Variants in LMNTD1 observed in about 807,000 individuals in gnomAD.
LMNTD1 encodes the protein lamin tail domain-containing protein 1.
Under a neutral mutation model 50.9 loss-of-function variants are expected in LMNTD1, and 35 were observed. The observed-to-expected ratio is 0.69, with a 90% CI of 0.53 to 0.91. The LOEUF is 0.91. Among genes scored for constraint, LMNTD1 ranks in the 40% least tolerant of loss-of-function variants. The pLI, the probability that LMNTD1 is intolerant of heterozygous loss-of-function variation, is 0.00. For synonymous variants in LMNTD1, 153 were observed against 161.9 expected (o/e 0.94, Z 0.42); for missense variants, 470 against 475.5 (o/e 0.99, Z 0.11).
intron 9 of LMNTD1, among the ~76,000 whole-genome samples, chr12:25,492,701 A>G (rs2135921364): frequency 6.6e-6 from 1 of 152,322 alleles, no homozygotes; most frequent in East Asian, 1.9e-4. Flanking sequence ...GCAAGATTGA[A>G]AAGGTTGAGG....
In LMNTD1 at chr12:25,648,520, C is replaced by T. The variant is rs370654171; in HGVS notation, c.32G>A (p.Gly11Asp). 4 of 1,551,598 alleles carry T rather than the reference C, an allele frequency of 2.6e-6. No individual in the cohort carries two copies. The African/African-American group carries it at 5.5e-5, about 21-fold the overall frequency. The change falls in exon 1 of 8, where the codon GGT (glycine) becomes GAT (aspartate). Residue 11 changes from glycine to aspartate, a missense_variant. Physicochemically the swap from Gly to Asp is moderately conservative, Grantham distance 94. Transcript: ENST00000445693. Reference sequence around the variant, plus strand: ...GTGGTGGGTCTGGACTCTGGAAACACCGATGTCTCCTGCTCTCACTGGCTG... The same window carrying T: ...GTGGTGGGTCTGGACTCTGGAAACATCGATGTCTCCTGCTCTCACTGGCTG...
rs529791761 is a variant in LMNTD1, at chr12:25,594,454, A to G, written c.59-47900T>C. Among the ~76,000 whole-genome samples, 5 of 152,092 alleles carry G rather than the reference A, an allele frequency of 3.3e-5. No homozygotes were observed. The South Asian group carries it at 8.3e-4, about 25-fold the overall frequency. ...ATTATCAGCCAAGAATTTTGTATCC[A>G]GTGTAAGTAAGGATCTTATATGAAG... On this transcript the variant is annotated intron_variant, in intron 1 of 7. Coordinates refer to the LMNTD1 transcript ENST00000445693.
At chr12:25,521,734 T>C (rs1412280979) in intron 6 of LMNTD1, among the ~76,000 whole-genome samples, 3 of 147,006 alleles carry the variant, frequency 2.0e-5, no homozygotes, top group Non-Finnish European at 4.4e-5. Context: ...TTTAAGACAC[T>C]GTGTGTGTGA....
chr12:25,588,770 T>A (rs2136459453), intron 1 of LMNTD1, among the ~76,000 whole-genome samples: 1 of 152,218 alleles, frequency 6.6e-6, no homozygotes, highest in Non-Finnish European at 1.5e-5. Flanking sequence ...TTTTTGCAAA[T>A]TATTTCACAA....
At position 25,603,905 on chromosome 12, in the gene LMNTD1, A is replaced by C. The variant is rs1023436891; in HGVS notation, c.58+44589T>G. Among the ~76,000 whole-genome samples, 3 of 151,738 alleles carry C rather than the reference A, an allele frequency of 2.0e-5. No individual in the cohort carries two copies. In the Admixed American group the frequency reaches 2.0e-4, roughly 10 times the overall value. ...TAAAAGGGGAAACTGCAAGTCAGGGAAATTGTAGATATAAGAAATACCAGA... is the reference window on the plus strand; with the variant it reads ...TAAAAGGGGAAACTGCAAGTCAGGGCAATTGTAGATATAAGAAATACCAGA... On this transcript the variant is annotated intron_variant, in intron 1 of 7. Transcript: ENST00000445693.
chr12:25,561,889 T>C (rs938029394), intron 1 of LMNTD1, among the ~76,000 whole-genome samples: 2 of 152,210 alleles, frequency 1.3e-5, no homozygotes, highest in African/African-American at 4.8e-5. Context: ...TACCATTATG[T>C]AATGGCCTTC....
At chr12:25,532,199 A>G (rs1314693574) in intron 4 of LMNTD1, among the ~76,000 whole-genome samples, 1 of 152,160 alleles carries the variant, frequency 6.6e-6, no homozygotes, top group East Asian at 1.9e-4. Context: ...CTAGTATTAC[A>G]GAGAAAAAAC....
At chr12:25,597,705 T>C (rs1945872514) in intron 1 of LMNTD1, among the ~76,000 whole-genome samples, 1 of 152,198 alleles carries the variant, frequency 6.6e-6, no homozygotes, top group Non-Finnish European at 1.5e-5. Context: ...CATTATTTTC[T>C]TCAGCACATG....
chr12:25,579,272 C>A (rs959495485), intron 1 of LMNTD1, among the ~76,000 whole-genome samples: 20 of 152,174 alleles, frequency 1.3e-4, no homozygotes, highest in Admixed American at 1.3e-3. Flanking sequence ...CATGTACAGA[C>A]TTTTTTCTTA....
chr12:25,609,177 C>T (rs1273192020), intron 1 of LMNTD1, among the ~76,000 whole-genome samples: 1 of 152,180 alleles, frequency 6.6e-6, no homozygotes, highest in Non-Finnish European at 1.5e-5. Flanking sequence ...TCCATCAGGT[C>T]ATTTAAGTGC....
intron 1 of LMNTD1, among the ~76,000 whole-genome samples, chr12:25,628,904 T>C (rs572035968): frequency 6.6e-6 from 1 of 152,300 alleles, no homozygotes; most frequent in East Asian, 1.9e-4. Context: ...AAGTTTTTGG[T>C]AATTTGTTAA....
rs552251994 is a variant in LMNTD1 at position 25,538,933 on chromosome 12, G to A, written c.491+7441C>T. ...GGCAGGGGTTGCAATCCTAGTCTCT[G>A]ATAAAACAGACTTTAAACCAACAAA... On this transcript the variant is annotated intron_variant, in intron 4 of 9. Coordinates refer to ENST00000458174, the MANE Select transcript of LMNTD1 (RefSeq NM_001145728.2). Among the ~76,000 whole-genome samples, 97 of 145,282 alleles carry A rather than the reference G, an allele frequency of 6.7e-4. 1 individual carries two copies. The East Asian group carries it at 0.015, about 22-fold the overall frequency.
intron 1 of LMNTD1, among the ~76,000 whole-genome samples, chr12:25,580,706 TG>T (rs1045290813): frequency 1.3e-5 from 2 of 152,232 alleles, no homozygotes; most frequent in African/African-American, 2.4e-5. Context: ...ACTATGGATT[TG>T]GTAAGTTCAG....
chr12:25,578,604 T>C (rs1306312140), intron 1 of LMNTD1, among the ~76,000 whole-genome samples: 1 of 152,206 alleles, frequency 6.6e-6, no homozygotes, highest in Non-Finnish European at 1.5e-5. Flanking sequence ...TACCACTGTG[T>C]AGACTAGTGC....
chr12:25,612,326 A>ACGCGCGCG lies in LMNTD1; in HGVS notation c.58+36167_58+36168insCGCGCGCG, dbSNP rs138267691. Among the ~76,000 whole-genome samples, 6 of 104,572 alleles carry ACGCGCGCG rather than the reference A, an allele frequency of 5.7e-5. No individual in the cohort carries two copies. In the South Asian group the frequency reaches 2.6e-3, roughly 46 times the overall value. 68.6% of individuals were successfully genotyped at this position (104,572 alleles called of 152,430 possible). A position where few individuals can be genotyped will look rare whatever the true frequency, so the allele number is the denominator to read the frequency against. ...CACACACACACACACACACACACAC[A>ACGCGCGCG]CACGCGCTCCCACTGTCAACAACAC... On this transcript the variant is annotated intron_variant, in intron 1 of 7. Coordinates refer to the LMNTD1 transcript ENST00000445693.
chr12:25,489,438 T>C (rs1938805106), intron 9 of LMNTD1, among the ~76,000 whole-genome samples: 1 of 150,704 alleles, frequency 6.6e-6, no homozygotes. Flanking sequence ...GGGAACTCCC[T>C]GACCCCTTGC....
chr12:25,515,392 G>A (rs1392291590), intron 8 of LMNTD1, among the ~76,000 whole-genome samples: 2 of 151,662 alleles, frequency 1.3e-5, no homozygotes, highest in Non-Finnish European at 2.9e-5. Context: ...AAAAAGAGCT[G>A]GCACATTTAG....
chr12:25,508,840 G>A (rs1329270072), intron 8 of LMNTD1, among the ~76,000 whole-genome samples: 1 of 152,068 alleles, frequency 6.6e-6, no homozygotes, highest in Non-Finnish European at 1.5e-5. Flanking sequence ...TTTGCTTTAG[G>A]AGTTTTGCAA....
chr12:25,584,158 GA>G (rs768631986), intron 1 of LMNTD1, among the ~76,000 whole-genome samples: 11 of 152,144 alleles, frequency 7.2e-5, no homozygotes, highest in Non-Finnish European at 1.5e-4. Context: ...CAGGGATTTA[GA>G]CCTGAGCAAT....
Sources: gnomAD v4.1 joint callset for allele counts (sites outside exome capture counted in the v4.1 genomes callset) on GRCh38, gnomAD v4.1.1 for gene constraint, MANE v1.5 for transcripts, NCBI Gene and HGNC (gene_info 2026-07-23, HGNC 2026-07-21) for gene names.